DOK6: variants seen among roughly 807,000 people sequenced by gnomAD.
DOK6 encodes docking protein 6.
In DOK6, 22 loss-of-function variants were observed where a neutral mutation model predicts 44.0. That is an observed-to-expected ratio of 0.50 (90% CI 0.36 to 0.71). DOK6 has a LOEUF of 0.71. DOK6 is among the 30% of genes least tolerant of loss of function. The probability of loss-of-function intolerance (pLI) is 0.00; values close to 1 mark genes in which losing one functional copy is unlikely to be tolerated. For synonymous variants in DOK6, 166 were observed against 145.5 expected (o/e 1.14, Z -1.01); for missense variants, 340 against 416.4 (o/e 0.82, Z 1.60).
At chr18:69,541,248 A>G (rs1982261033) in intron 1 of DOK6, among the ~76,000 whole-genome samples, 1 of 151,434 alleles carries the variant, frequency 6.6e-6, no homozygotes, top group Admixed American at 6.6e-5. Flanking sequence ...AAAATTGCAG[A>G]CTACTGTAAT....
At chr18:69,827,159 T>C (rs934633476) in intron 7 of DOK6, among the ~76,000 whole-genome samples, 3 of 152,102 alleles carry the variant, frequency 2.0e-5, no homozygotes, top group Non-Finnish European at 2.9e-5. Flanking sequence ...AATCACTCAC[T>C]TTCTTAAAAT....
chr18:69,582,768 C>T (rs1983401009), intron 2 of DOK6, among the ~76,000 whole-genome samples: 1 of 152,082 alleles, frequency 6.6e-6, no homozygotes, highest in Non-Finnish European at 1.5e-5. Context: ...ATTTCTTGTA[C>T]ACTTACTGCA....
chr18:69,773,065 C>T (rs1410207828), intron 7 of DOK6, among the ~76,000 whole-genome samples: 1 of 151,914 alleles, frequency 6.6e-6, no homozygotes. Context: ...CAAAGATATA[C>T]AAATGGCCAA....
chr18:69,434,974 A>T (rs1978917165), intron 1 of DOK6, among the ~76,000 whole-genome samples: 1 of 142,220 alleles, frequency 7.0e-6, no homozygotes, highest in Non-Finnish European at 1.6e-5. Flanking sequence ...GAAGGAAGGA[A>T]GGAAGGAAAG....
At chr18:69,526,580 T>C (rs1435545821) in intron 1 of DOK6, among the ~76,000 whole-genome samples, 1 of 152,240 alleles carries the variant, frequency 6.6e-6, no homozygotes, top group African/African-American at 2.4e-5. Flanking sequence ...TGTGTACATA[T>C]GTTTTCATTT....
chr18:69,702,872 A>G (rs964397888), intron 5 of DOK6, among the ~76,000 whole-genome samples: 5 of 152,238 alleles, frequency 3.3e-5, no homozygotes, highest in African/African-American at 9.6e-5. Context: ...AAGGCGACCA[A>G]AACTGTCATT....
At chr18:69,498,976 T>C (rs866287920) in intron 1 of DOK6, among the ~76,000 whole-genome samples, 1 of 152,212 alleles carries the variant, frequency 6.6e-6, no homozygotes, top group Non-Finnish European at 1.5e-5. Flanking sequence ...AAATCTTCCC[T>C]TGTTTTAAAG....
intron 1 of DOK6, among the ~76,000 whole-genome samples, chr18:69,514,251 T>TAA (rs5825944): frequency 8.7e-5 from 13 of 150,026 alleles, no homozygotes; most frequent in East Asian, 2.0e-4. Flanking sequence ...TGTAAATGAG[T>TAA]AAAAAAAAAG....
chr18:69,670,300 T>C (rs1985765172), intron 3 of DOK6, among the ~76,000 whole-genome samples: 2 of 152,124 alleles, frequency 1.3e-5, no homozygotes, highest in African/African-American at 4.8e-5. Context: ...ACCCATATCG[T>C]TGGCTATGTT....
intron 1 of DOK6, among the ~76,000 whole-genome samples, chr18:69,506,072 G>C (rs1032434375): frequency 6.6e-6 from 1 of 151,948 alleles, no homozygotes; most frequent in African/African-American, 2.4e-5. Flanking sequence ...AGCAACAAAT[G>C]AATGTAGCTG....
intron 1 of DOK6, among the ~76,000 whole-genome samples, chr18:69,452,240 G>A (rs980968274): frequency 2.0e-5 from 3 of 148,812 alleles, no homozygotes; most frequent in African/African-American, 4.9e-5. Flanking sequence ...TATCACCACC[G>A]ATCCCACAGA....
At chr18:69,491,137 A>ATGG (rs1392304322) in intron 1 of DOK6, among the ~76,000 whole-genome samples, 3 of 152,238 alleles carry the variant, frequency 2.0e-5, no homozygotes, top group Non-Finnish European at 2.9e-5. Flanking sequence ...CTACAATGGC[A>ATGG]TGGTTTATAC....
chr18:69,768,948 G>GGTGTGTGTGTGT (rs1341229658), intron 7 of DOK6, among the ~76,000 whole-genome samples: 1,421 of 37,686 alleles, frequency 0.038, 18 homozygotes, highest in African/African-American at 0.062. Context: ...AGATTTGAAG[G>GGTGTGTGTGTGT]GTGTGCGTGT....
chr18:69,816,361 G>A (rs575524245), intron 7 of DOK6, among the ~76,000 whole-genome samples: 7 of 152,140 alleles, frequency 4.6e-5, no homozygotes, highest in Admixed American at 2.0e-4. Context: ...GTTCCTCTTC[G>A]AAATAATAGG....
At chr18:69,636,022 G>C in intron 3 of DOK6, among the ~76,000 whole-genome samples, 1 of 152,126 alleles carries the variant, frequency 6.6e-6, no homozygotes, top group East Asian at 1.9e-4. Flanking sequence ...TGATGTCTGC[G>C]GTATGGAAGA....
chr18:69,678,002 A>G (rs1485724331), intron 4 of DOK6, 149 bp downstream of exon 4: 1 of 1,301,670 alleles, frequency 7.7e-7, no homozygotes, highest in Non-Finnish European at 1.0e-6. Flanking sequence ...TAATCCCTGC[A>G]TTTTGGGAGC....
At chr18:69,446,510 T>C (rs1979297818) in intron 1 of DOK6, among the ~76,000 whole-genome samples, 2 of 152,154 alleles carry the variant, frequency 1.3e-5, no homozygotes, top group Non-Finnish European at 2.9e-5. Flanking sequence ...AGTGCCACAA[T>C]AAACATACAT....
chr18:69,797,175 A>C (rs1980770426), intron 7 of DOK6, among the ~76,000 whole-genome samples: 1 of 152,120 alleles, frequency 6.6e-6, no homozygotes, highest in South Asian at 2.1e-4. Context: ...CTTCTCACCA[A>C]CCGAAAGGAA....
intron 7 of DOK6, among the ~76,000 whole-genome samples, chr18:69,779,453 T>C (rs899022432): frequency 2.0e-5 from 3 of 148,916 alleles, no homozygotes; most frequent in Non-Finnish European, 4.5e-5. Context: ...ACACACAGTC[T>C]ACACACACAC....
Sources: allele counts gnomAD v4.1 joint callset (sites outside exome capture counted in the v4.1 genomes callset), GRCh38; gene constraint gnomAD v4.1.1; transcripts MANE v1.5; gene names NCBI Gene and HGNC (gene_info 2026-07-23, HGNC 2026-07-21).